The following KCNIP4 variants were observed in gnomAD, a reference collection of about 807,000 sequenced individuals.
KCNIP4 encodes the protein Kv channel-interacting protein 4.
A neutral mutation model predicts 34.0 loss-of-function variants in KCNIP4; 12 were observed. The ratio of observed to expected loss-of-function variants is 0.35; its 90% CI spans 0.23 to 0.57. KCNIP4 has a LOEUF of 0.57. KCNIP4 is among the 20% of genes least tolerant of loss of function. KCNIP4 has a pLI of 0.83. For missense variants in KCNIP4, 238 were observed against 311.7 expected (o/e 0.76, Z 1.78); for synonymous variants, 124 against 102.2 (o/e 1.21, Z -1.29).
At chr4:20,776,626 C>T (rs1421718051) in intron 3 of KCNIP4, among the ~76,000 whole-genome samples, 1 of 152,122 alleles carries the variant, frequency 6.6e-6, no homozygotes, top group Non-Finnish European at 1.5e-5. Flanking sequence ...ATATCTCCTT[C>T]TTTAAGAATG....
intron 1 of KCNIP4, among the ~76,000 whole-genome samples, chr4:20,966,076 T>C (rs2149668491): frequency 6.6e-6 from 1 of 152,370 alleles, no homozygotes; most frequent in East Asian, 1.9e-4. Flanking sequence ...AAGTTTCTGC[T>C]AATTCCAACC....
At chr4:20,927,475 A>G (rs906348604) in intron 1 of KCNIP4, among the ~76,000 whole-genome samples, 3 of 152,178 alleles carry the variant, frequency 2.0e-5, no homozygotes, top group Admixed American at 1.3e-4. Context: ...TATTTAGAAA[A>G]TTCAAGGATA....
intron 1 of KCNIP4, among the ~76,000 whole-genome samples, chr4:21,171,481 T>C (rs1020681098): frequency 6.6e-6 from 1 of 152,202 alleles, no homozygotes; most frequent in African/African-American, 2.4e-5. Flanking sequence ...TATTGTACTT[T>C]ATAAAATAAT....
chr4:21,821,224 A>T (rs1183618640), intron 1 of KCNIP4, among the ~76,000 whole-genome samples: 1 of 152,104 alleles, frequency 6.6e-6, no homozygotes, highest in Non-Finnish European at 1.5e-5. Flanking sequence ...ATTGTCTTGT[A>T]TGTCTTGACC....
At chr4:20,899,413 A>G (rs1726918912) in intron 1 of KCNIP4, among the ~76,000 whole-genome samples, 1 of 152,192 alleles carries the variant, frequency 6.6e-6, no homozygotes, top group Admixed American at 6.5e-5. Context: ...TGAGCCAGGA[A>G]AATCTAGTGT....
At chr4:21,854,898 G>T in intron 1 of KCNIP4, among the ~76,000 whole-genome samples, 1 of 152,184 alleles carries the variant, frequency 6.6e-6, no homozygotes, top group East Asian at 1.9e-4. Context: ...TGCCTTGAGA[G>T]TTTGGACTGT....
intron 1 of KCNIP4, among the ~76,000 whole-genome samples, chr4:20,919,975 C>T (rs1331981448): frequency 3.3e-5 from 5 of 151,994 alleles, no homozygotes; most frequent in East Asian, 1.9e-4. Context: ...AGGACCTGCT[C>T]GCTACTTATT....
At chr4:21,143,680 G>T (rs1328848063) in intron 1 of KCNIP4, among the ~76,000 whole-genome samples, 1 of 151,432 alleles carries the variant, frequency 6.6e-6, no homozygotes, top group Non-Finnish European at 1.5e-5. Flanking sequence ...GGACCACTAG[G>T]CTTTGTTTAA....
intron 1 of KCNIP4, among the ~76,000 whole-genome samples, chr4:21,617,136 C>G (rs1243918823): frequency 1.3e-5 from 2 of 152,182 alleles, no homozygotes; most frequent in Non-Finnish European, 2.9e-5. Context: ...TTTACCAAAA[C>G]TGTCATTTGA....
At chr4:20,821,570 G>C (rs983425371) in intron 3 of KCNIP4, among the ~76,000 whole-genome samples, 3 of 151,846 alleles carry the variant, frequency 2.0e-5, no homozygotes, top group Non-Finnish European at 2.9e-5. Context: ...TGAGATTTTG[G>C]TGCACCTGTT....
intron 1 of KCNIP4, among the ~76,000 whole-genome samples, chr4:21,276,111 A>G (rs1275459072): frequency 5.3e-5 from 8 of 152,234 alleles, no homozygotes; most frequent in Non-Finnish European, 1.0e-4. Flanking sequence ...GTGCCACTAC[A>G]TTCTGTCCAA....
chr4:21,166,795 C>A (rs377537183), intron 1 of KCNIP4, among the ~76,000 whole-genome samples: 1 of 151,818 alleles, frequency 6.6e-6, no homozygotes, highest in African/African-American at 2.4e-5. Flanking sequence ...AAAAATTAGC[C>A]GGGTGTAGTG....
chr4:21,127,162 G>A (rs73105398), intron 1 of KCNIP4, among the ~76,000 whole-genome samples: 3,082 of 152,250 alleles, frequency 0.02, 93 homozygotes, highest in African/African-American at 0.07. Flanking sequence ...CCTCTAAGAG[G>A]TCTTCCCTCT....
At chr4:20,934,470 T>C (rs182499646) in intron 1 of KCNIP4, among the ~76,000 whole-genome samples, 80 of 152,304 alleles carry the variant, frequency 5.3e-4, no homozygotes, top group Non-Finnish European at 1.6e-4. Context: ...CCCTCCCAGT[T>C]TTCCTCTTTC....
At chr4:20,856,490 T>G (rs932962557) in intron 2 of KCNIP4, among the ~76,000 whole-genome samples, 1 of 152,172 alleles carries the variant, frequency 6.6e-6, no homozygotes, top group Non-Finnish European at 1.5e-5. Context: ...AACATCATGA[T>G]CTGCTCATGT....
At chr4:21,113,334 T>A (rs1205687774) in intron 1 of KCNIP4, among the ~76,000 whole-genome samples, 1 of 152,120 alleles carries the variant, frequency 6.6e-6, no homozygotes, top group African/African-American at 2.4e-5. Context: ...GAAAATCATT[T>A]TCTTGTCCAC....
chr4:20,861,437 C>A (rs1461675225), intron 2 of KCNIP4, among the ~76,000 whole-genome samples: 1 of 152,132 alleles, frequency 6.6e-6, no homozygotes, highest in Non-Finnish European at 1.5e-5. Flanking sequence ...ATTTGAAACA[C>A]TGTGGGAGTC....
rs186175470 is a variant in KCNIP4 at position 20,790,829 on chromosome 4, A to G, written c.289-31939T>C. ...GTCAAATGAACCTACAGACCTTGACAAGTTGGTTTGTAGGCAGAATTTTCC... is the reference window on the plus strand; with the variant it reads ...GTCAAATGAACCTACAGACCTTGACGAGTTGGTTTGTAGGCAGAATTTTCC... On this transcript the variant is annotated intron_variant, in intron 3 of 8. Coordinates refer to ENST00000382152, the MANE Select transcript of KCNIP4 (RefSeq NM_025221.6). 1.2e-4 allele frequency among the ~76,000 whole-genome samples: 18 copies of G among 152,292 alleles called. No individual in the cohort carries two copies. In the East Asian group the frequency reaches 3.3e-3, roughly 28 times the overall value.
intron 1 of KCNIP4, among the ~76,000 whole-genome samples, chr4:21,152,227 T>C (rs1369849463): frequency 6.6e-6 from 1 of 152,166 alleles, no homozygotes; most frequent in Non-Finnish European, 1.5e-5. Context: ...CACTCCAGCC[T>C]GGATGACAAA....
Sources: allele counts gnomAD v4.1 joint callset (sites outside exome capture counted in the v4.1 genomes callset), GRCh38; gene constraint gnomAD v4.1.1; transcripts MANE v1.5; gene names NCBI Gene and HGNC (gene_info 2026-07-23, HGNC 2026-07-21).